DENR: variants seen among roughly 807,000 people sequenced by gnomAD.
DENR encodes the protein density regulated re-initiation and release factor, also known as density-regulated protein.
Under a neutral mutation model 30.6 loss-of-function variants are expected in DENR, and 6 were observed. The observed-to-expected ratio is 0.20, with a 90% CI of 0.11 to 0.39. The LOEUF (loss-of-function observed/expected upper bound fraction) is 0.39, where lower values mean the gene tolerates loss of function less well. Among genes scored for constraint, DENR ranks in the 10% least tolerant of loss-of-function variants. The probability of loss-of-function intolerance (pLI) is 1.00; values close to 1 mark genes in which losing one functional copy is unlikely to be tolerated. For synonymous variants in DENR, 78 were observed against 72.1 expected, an observed-to-expected ratio of 1.08 and a Z score of -0.41; for missense variants, 141 against 230.9, an observed-to-expected ratio of 0.61 and a Z score of 2.52.
In DENR at chr12:122,769,515, T is replaced by A; in HGVS notation, c.*437T>A. The A allele has an allele frequency of 9.8e-6, 4 of 407,206 alleles. No individual in the cohort carries two copies. The highest frequency in any genetic ancestry group is 1.3e-5 in the Non-Finnish European group (4 of 315,974). The allele number at this position is 407,206 out of a possible 1,614,324, so 25.2% of individuals were successfully genotyped here. ...GACTTTCTCTCTCTCTCTCTCTCTC[T>A]TTTTTTTTTTTGACAGAGTCTCGCA... On this transcript the variant is annotated 3_prime_UTR_variant, in exon 8 of 8. Transcript: ENST00000280557.
At position 122,758,345 on chromosome 12, in the gene DENR, C is replaced by G. The variant is rs919010700; in HGVS notation, c.107-3842C>G. Among the ~76,000 whole-genome samples the G allele has an allele frequency of 3.3e-5, 5 of 149,952 alleles. No individual in the cohort carries two copies. The East Asian group carries it at 1.0e-3, about 31-fold the overall frequency. On this transcript the variant is annotated intron_variant, in intron 2 of 7. Transcript: ENST00000280557. Reference sequence around the variant, plus strand: ...TCGGCCTCCCAAAGTGTTGGGATTACAGGCGTGAGCCACCAGACCCGGCCA... The same window carrying G: ...TCGGCCTCCCAAAGTGTTGGGATTAGAGGCGTGAGCCACCAGACCCGGCCA...
At chr12:122,768,123 T>C (rs1878895732) in intron 6 of DENR, 1 of 152,494 alleles carries the variant, frequency 6.6e-6, no homozygotes, top group Non-Finnish European at 1.5e-5. Flanking sequence ...CAGTGGTGTT[T>C]ACAGCTAAAT....
chr12:122,757,683 G>A (rs1373873750), intron 2 of DENR, among the ~76,000 whole-genome samples: 1 of 152,174 alleles, frequency 6.6e-6, no homozygotes, highest in African/African-American at 2.4e-5. Flanking sequence ...GAATGGCATG[G>A]ATAGAAGTTC....
intron 5 of DENR, among the ~76,000 whole-genome samples, chr12:122,766,895 G>A (rs1007754981): frequency 1.3e-5 from 2 of 152,162 alleles, no homozygotes; most frequent in Non-Finnish European, 2.9e-5. Context: ...CAGATCCAGT[G>A]ACTGCTATGT....
intron 2 of DENR, among the ~76,000 whole-genome samples, chr12:122,755,768 A>G (rs1446622828): frequency 1.3e-5 from 2 of 152,236 alleles, no homozygotes; most frequent in Non-Finnish European, 2.9e-5. Context: ...GTGAACTAGG[A>G]CTAAAGTGGA....
At chr12:122,762,668 T>C (rs1269129893) in intron 3 of DENR, among the ~76,000 whole-genome samples, 177 bp from the exon 4 acceptor site, 1 of 152,210 alleles carries the variant, frequency 6.6e-6, no homozygotes, top group East Asian at 1.9e-4. Flanking sequence ...CTTCTTAATA[T>C]CTAATTTTTT....
At chr12:122,761,893 C>T (rs1219462128) in intron 2 of DENR, among the ~76,000 whole-genome samples, 2 of 152,136 alleles carry the variant, frequency 1.3e-5, no homozygotes, top group South Asian at 2.1e-4. Flanking sequence ...TTTTTTGACC[C>T]ACTGAAATGG....
In DENR at chr12:122,758,542, C is replaced by T. The variant is rs551888825; in HGVS notation, c.107-3645C>T. Among the ~76,000 whole-genome samples, 5 of 152,154 alleles carry T rather than the reference C, an allele frequency of 3.3e-5. No homozygotes were observed. The South Asian group carries it at 1.0e-3, about 32-fold the overall frequency. On this transcript the variant is annotated intron_variant, in intron 2 of 7. Transcript: ENST00000280557. ...TCATTTGGCCAGGCACAGTGGCTCACACCTTTAATTCCAACACTTTGGGAG... is the reference window on the plus strand; with the variant it reads ...TCATTTGGCCAGGCACAGTGGCTCATACCTTTAATTCCAACACTTTGGGAG...
chr12:122,758,365 C>T (rs537048690), intron 2 of DENR, among the ~76,000 whole-genome samples: 24 of 152,286 alleles, frequency 1.6e-4, no homozygotes, highest in Non-Finnish European at 2.8e-4. Context: ...CCACCAGACC[C>T]GGCCATTCTG....
rs768853390 is a variant in DENR, at chr12:122,753,693, G to A, written c.-9G>A. 6 of 1,612,676 alleles carry A rather than the reference G, an allele frequency of 3.7e-6. No homozygotes were observed. Among genetic ancestry groups the A allele is most frequent in the Admixed American group, 3.3e-5 (2 of 59,976 alleles). On this transcript the variant is annotated splice_region_variant and 5_prime_UTR_variant, in exon 2 of 8. Transcript: ENST00000280557. ...GGTGTGTTATTTTCCTTGCTTACAG[G>A]TTTGTGAAATGGCTGCTGACATTTC...
intron 2 of DENR, among the ~76,000 whole-genome samples, chr12:122,759,140 G>A (rs2649902): frequency 0.8 from 121,334 of 152,032 alleles, 49,364 homozygotes; most frequent in Middle Eastern, 0.9. Context: ...CACCACACCC[G>A]GCCTAGAGGC....
At chr12:122,758,047 T>TA (rs1878596435) in intron 2 of DENR, among the ~76,000 whole-genome samples, 1 of 152,192 alleles carries the variant, frequency 6.6e-6, no homozygotes, top group Non-Finnish European at 1.5e-5. Context: ...TTGTGGCTGT[T>TA]CATTCTCTGT....
intron 3 of DENR, among the ~76,000 whole-genome samples, 180 bp downstream of exon 3, chr12:122,762,386 A>G (rs144056989): frequency 7.2e-4 from 109 of 152,310 alleles, no homozygotes; most frequent in African/African-American, 2.5e-3. Flanking sequence ...TCCTAAATTT[A>G]GACCTTAAAT....
rs1426380399 is a variant in DENR, at chr12:122,767,620, A to G, written c.412+16A>G. On this transcript the variant is annotated intron_variant, in intron 6 of 7. Transcript: ENST00000280557. ...GCAACTTTTGGTGAGTTCAGGCTTAAGTATATTTAAAATGTGTGAACTATT... is the reference window on the plus strand; with the variant it reads ...GCAACTTTTGGTGAGTTCAGGCTTAGGTATATTTAAAATGTGTGAACTATT... The G allele has an allele frequency of 4.9e-6, 7 of 1,424,982 alleles. No homozygotes were observed. Among genetic ancestry groups the G allele is most frequent in the East Asian group, 2.4e-5 (1 of 41,334 alleles). 88.3% of individuals were successfully genotyped at this position (1,424,982 alleles called of 1,614,324 possible).
At chr12:122,761,944 A>G (rs1483687129) in intron 2 of DENR, among the ~76,000 whole-genome samples, 1 of 152,180 alleles carries the variant, frequency 6.6e-6, no homozygotes, top group Non-Finnish European at 1.5e-5. Flanking sequence ...GCATATTTTG[A>G]TGTTCCATCA....
chr12:122,760,097 G>A (rs1378062732), intron 2 of DENR, among the ~76,000 whole-genome samples: 2 of 152,160 alleles, frequency 1.3e-5, no homozygotes, highest in Non-Finnish European at 2.9e-5. Context: ...ATCATTTTCA[G>A]CTGTCAGGTG....
intron 2 of DENR, among the ~76,000 whole-genome samples, chr12:122,760,943 G>A (rs935789067): frequency 3.9e-5 from 6 of 151,940 alleles, no homozygotes; most frequent in African/African-American, 1.2e-4. Flanking sequence ...GCGAGATCCC[G>A]TCTCTACAAA....
chr12:122,754,101 G>C, intron 2 of DENR: 1 of 380,194 alleles, frequency 2.6e-6, no homozygotes, highest in Non-Finnish European at 5.0e-6. Flanking sequence ...TGTCAAAGGA[G>C]GGCTTCTTGG....
rs934194826 is a variant in DENR, at chr12:122,752,961, C to T, written c.-10+11C>T. 7 of 152,414 alleles carry T rather than the reference C, an allele frequency of 4.6e-5. No homozygotes were observed. The highest frequency in any genetic ancestry group is 1.4e-4 in the African/African-American group (6 of 41,470). 9.4% of individuals were successfully genotyped at this position (152,414 alleles called of 1,614,324 possible). On this transcript the variant is annotated intron_variant, in intron 1 of 7. Coordinates refer to ENST00000280557, the MANE Select transcript of DENR (RefSeq NM_003677.5). ...TGTGCGACCGCCTGGGTAACGACCCCAAGTGCTTCTCCCGCTCCCGAGAAG... is the reference window on the plus strand; with the variant it reads ...TGTGCGACCGCCTGGGTAACGACCCTAAGTGCTTCTCCCGCTCCCGAGAAG...
Sources: gnomAD v4.1 joint callset for allele counts (sites outside exome capture counted in the v4.1 genomes callset) on GRCh38, gnomAD v4.1.1 for gene constraint, MANE v1.5 for transcripts, NCBI Gene and HGNC (gene_info 2026-07-23, HGNC 2026-07-21) for gene names.